FNBP1: variants seen among roughly 807,000 people sequenced by gnomAD.
The protein encoded by FNBP1 is formin binding protein 1.
FNBP1 carries 26 observed loss-of-function variants against 90.6 expected under a neutral mutation model. The observed-to-expected ratio is 0.29, with a 90% confidence interval of 0.21 to 0.40. The LOEUF (loss-of-function observed/expected upper bound fraction) is 0.40, where lower values mean the gene tolerates loss of function less well. Among genes scored for constraint, FNBP1 ranks in the 10% least tolerant of loss-of-function variants. The pLI, the probability that FNBP1 is intolerant of heterozygous loss-of-function variation, is 1.00. For synonymous variants in FNBP1, 260 were observed against 265.2 expected (o/e 0.98, Z 0.19); for missense variants, 635 against 768.0 (o/e 0.83, Z 2.05).
rs192144445 is a variant in FNBP1 at position 129,907,387 on chromosome 9, T to C, written c.1295+1503A>G. Among the ~76,000 whole-genome samples the C allele has an allele frequency of 2.5e-3, 383 of 152,348 alleles. 1 individual carries two copies. Among genetic ancestry groups the C allele is most frequent in the African/African-American group, 8.8e-3 (368 of 41,582 alleles). On this transcript the variant is annotated intron_variant, in intron 12 of 16. Coordinates refer to ENST00000446176, the MANE Select transcript of FNBP1 (RefSeq NM_015033.3). ...GCCAGGCACGGTTCCAAGCATGTTA[T>C]GCACACTGACACATCAGCAGTAGTA... is the stretch of plus-strand genomic sequence containing the variant.
At chr9:129,903,447 C>G (rs2037357582) in intron 12 of FNBP1, among the ~76,000 whole-genome samples, 1 of 152,086 alleles carries the variant, frequency 6.6e-6, no homozygotes, top group South Asian at 2.1e-4. Flanking sequence ...GACTATTGGG[C>G]CAGCTTCCAT....
At chr9:129,925,333 C>T (rs939419566) in intron 8 of FNBP1, among the ~76,000 whole-genome samples, 176 bp from the exon 9 acceptor site, 36 of 151,974 alleles carry the variant, frequency 2.4e-4, no homozygotes, top group Middle Eastern at 3.4e-3. Context: ...GGTGAAACCC[C>T]GTCTCTACTA....
chr9:129,974,023 C>A (rs2049918374), intron 4 of FNBP1, among the ~76,000 whole-genome samples: 1 of 151,974 alleles, frequency 6.6e-6, no homozygotes. Context: ...GGGGTTTCAT[C>A]ACGTTGCCAG....
At chr9:130,025,332 T>C (rs2058242044) in intron 1 of FNBP1, among the ~76,000 whole-genome samples, 1 of 152,192 alleles carries the variant, frequency 6.6e-6, no homozygotes, top group Admixed American at 6.6e-5. Flanking sequence ...AAACCTCCTG[T>C]TAACATTAGC....
At chr9:129,935,938 A>G (rs1431286909) in intron 6 of FNBP1, among the ~76,000 whole-genome samples, 3 of 132,830 alleles carry the variant, frequency 2.3e-5, no homozygotes, top group South Asian at 2.6e-4. Flanking sequence ...AGTTTTATAC[A>G]TTGCTGTTCC....
chr9:129,961,616 G>A (rs891072665), intron 4 of FNBP1, among the ~76,000 whole-genome samples: 3 of 152,042 alleles, frequency 2.0e-5, no homozygotes, highest in Non-Finnish European at 4.4e-5. Flanking sequence ...TGCCCAGGCT[G>A]GAGGACAGTG....
At position 130,002,526 on chromosome 9, in the gene FNBP1, T is replaced by C. The variant is rs76848803; in HGVS notation, c.25-7568A>G. Among the ~76,000 whole-genome samples, 330 of 152,276 alleles carry C rather than the reference T, an allele frequency of 2.2e-3. 1 individual carries two copies. The highest frequency in any genetic ancestry group is 7.7e-3 in the African/African-American group (320 of 41,570). On this transcript the variant is annotated intron_variant, in intron 1 of 16. Coordinates refer to ENST00000446176, the MANE Select transcript of FNBP1 (RefSeq NM_015033.3). ...AGCCCAGCACCTCCCCCCTCTCTAT[T>C]GTGCCCTCTCTGGCCACGTGACCTC...
chr9:129,948,518 C>A (rs2045690975), intron 6 of FNBP1, among the ~76,000 whole-genome samples: 1 of 151,168 alleles, frequency 6.6e-6, no homozygotes, highest in Non-Finnish European at 1.5e-5. Flanking sequence ...GCATGAGCCA[C>A]CACATTCAGC....
chr9:129,890,249 C>T lies in FNBP1; in HGVS notation c.*290G>A, dbSNP rs2034979117. The T allele has an allele frequency of 4.0e-6, 2 of 503,496 alleles. No individual in the cohort carries two copies. The highest frequency in any genetic ancestry group is 3.7e-5 in the Admixed American group (1 of 27,164). The allele number at this position is 503,496 out of a possible 1,614,324, so 31.2% of individuals were successfully genotyped here. On this transcript the variant is annotated 3_prime_UTR_variant, in exon 17 of 17. Coordinates refer to ENST00000446176, the MANE Select transcript of FNBP1 (RefSeq NM_015033.3). This position sits in a 1 kb window ranked among gnomAD's most constrained non-coding sequence, Gnocchi z 5.8. ...GGGCCCAGGAAGGAGCAGGTAGGGG[C>T]GTGTGTCCCACCGTCTCAGTGGCCT...
At chr9:129,975,077 G>A (rs1051054595) in intron 4 of FNBP1, among the ~76,000 whole-genome samples, 2 of 151,996 alleles carry the variant, frequency 1.3e-5, no homozygotes, top group Non-Finnish European at 2.9e-5. Context: ...AAATCAGCCG[G>A]GCATGGTAGG....
intron 15 of FNBP1, among the ~76,000 whole-genome samples, chr9:129,898,749 A>G (rs1039524032): frequency 2.0e-5 from 3 of 151,962 alleles, no homozygotes; most frequent in Non-Finnish European, 4.4e-5. Context: ...CGGCCTCCCA[A>G]AGTGCTGGGA....
In FNBP1 at chr9:129,887,529, G is replaced by T. The variant is rs1262462972; in HGVS notation, c.*3010C>A. The T allele has an allele frequency of 5.3e-5, 11 of 208,246 alleles. No homozygotes were observed. The East Asian group carries it at 7.9e-4, about 15-fold the overall frequency. The allele number at this position is 208,246 out of a possible 1,614,324, so 12.9% of individuals were successfully genotyped here. ...ACACTTAGCATGAACGTCACTTTTT[G>T]ACGTCGTGTAAACTTTCTTCTGCAA... On this transcript the variant is annotated 3_prime_UTR_variant, in exon 17 of 17. Coordinates refer to ENST00000446176, the MANE Select transcript of FNBP1 (RefSeq NM_015033.3).
Position 129,965,787 on chromosome 9 carries a change from AGGGAGGGAGGGG to A in FNBP1, c.346-7246_346-7235del, listed in dbSNP as rs1168070764. Reference sequence around the variant, plus strand: ...AGGAAGGGAGGGAAGGGAGGGAAGGAGGGAGGGAGGGGGGAAGGAGGGAGGGAGGGAGGAAGG... The same window carrying A: ...AGGAAGGGAGGGAAGGGAGGGAAGGAGGAAGGAGGGAGGGAGGGAGGAAGG... On this transcript the variant is annotated intron_variant, in intron 4 of 16. Coordinates refer to ENST00000446176, the MANE Select transcript of FNBP1 (RefSeq NM_015033.3). 5.3e-5 allele frequency among the ~76,000 whole-genome samples: 7 copies of A among 133,172 alleles called. 1 individual carries two copies. The East Asian group carries it at 1.5e-3, about 29-fold the overall frequency. The allele number at this position is 133,172 out of a possible 152,430, so 87.4% of individuals were successfully genotyped here.
intron 6 of FNBP1, among the ~76,000 whole-genome samples, chr9:129,942,399 C>T (rs896788952): frequency 1.3e-5 from 2 of 152,124 alleles, no homozygotes; most frequent in Non-Finnish European, 2.9e-5. Context: ...CCTCCTAGGC[C>T]AGTACAACCC....
intron 10 of FNBP1, among the ~76,000 whole-genome samples, chr9:129,918,187 T>C (rs1391410195): frequency 1.3e-5 from 2 of 152,216 alleles, no homozygotes; most frequent in Non-Finnish European, 2.9e-5. Context: ...AAATCCCCAT[T>C]GAATAGGAAA....
intron 2 of FNBP1, among the ~76,000 whole-genome samples, chr9:129,989,794 T>C (rs923562855): frequency 2.6e-5 from 4 of 152,156 alleles, no homozygotes; most frequent in African/African-American, 9.7e-5. Flanking sequence ...TCCCAGCACT[T>C]TGGGAGGCCT....
At chr9:130,001,142 C>T (rs1217137225) in intron 1 of FNBP1, among the ~76,000 whole-genome samples, 1 of 151,878 alleles carries the variant, frequency 6.6e-6, no homozygotes, top group East Asian at 1.9e-4. Context: ...ACCAGCCTGG[C>T]CAACGTGGTG....
At chr9:129,960,300 C>T (rs1318025311) in intron 4 of FNBP1, among the ~76,000 whole-genome samples, 2 of 146,948 alleles carry the variant, frequency 1.4e-5, no homozygotes, top group Non-Finnish European at 3.0e-5. Flanking sequence ...TTGCTTAAAA[C>T]CTAGGGGGCT....
At chr9:129,937,675 G>A (rs114137238) in intron 6 of FNBP1, among the ~76,000 whole-genome samples, 5,179 of 151,870 alleles carry the variant, frequency 0.034, 160 homozygotes, top group African/African-American at 0.078. Context: ...AGGTTACAGT[G>A]AGCCAAGATA....
Sources: gnomAD v4.1 joint callset for allele counts (sites outside exome capture counted in the v4.1 genomes callset) on GRCh38, gnomAD v4.1.1 for gene constraint, Gnocchi (gnomAD v3.1) non-coding constraint, MANE v1.5 for transcripts, NCBI Gene and HGNC (gene_info 2026-07-23, HGNC 2026-07-21) for gene names.